SPIDR: variants seen among roughly 807,000 people sequenced by gnomAD.
SPIDR encodes DNA repair-scaffolding protein.
A neutral mutation model predicts 104.6 loss-of-function variants in SPIDR; 93 were observed. The observed-to-expected ratio is 0.89, with a 90% CI of 0.75 to 1.06. SPIDR has a LOEUF of 1.06. Among genes scored for constraint, SPIDR ranks in the 50% least tolerant of loss-of-function variants. SPIDR has a pLI of 0.00. For missense variants in SPIDR, 1,154 were observed against 1,111.2 expected (o/e 1.04, Z -0.55); for synonymous variants, 431 against 416.9 (o/e 1.03, Z -0.41).
chr8:47,529,766 A>G (rs575301494), intron 8 of SPIDR, among the ~76,000 whole-genome samples: 3 of 152,334 alleles, frequency 2.0e-5, no homozygotes, highest in Admixed American at 1.3e-4. Flanking sequence ...TAGTTCATGT[A>G]TAAATGAAAT....
chr8:47,598,836 T>C (rs761419525), intron 9 of SPIDR, 110 bp from the exon 10 acceptor site: 15 of 1,377,166 alleles, frequency 1.1e-5, no homozygotes, highest in Non-Finnish European at 1.3e-5. Flanking sequence ...GCAGATCCAT[T>C]GGGTGGCTGC....
chr8:47,700,274 G>T (rs151124322), intron 11 of SPIDR, 129 bp from the exon 12 acceptor site: 2 of 951,096 alleles, frequency 2.1e-6, no homozygotes, highest in South Asian at 1.4e-5. Context: ...CCTCTGAATC[G>T]CCACACATCT....
chr8:47,301,465 G>T (rs2042078913), intron 5 of SPIDR, among the ~76,000 whole-genome samples: 1 of 152,180 alleles, frequency 6.6e-6, no homozygotes, highest in East Asian at 1.9e-4. Context: ...CTACTGTTAT[G>T]TGTGAATTTG....
At chr8:47,450,394 C>T (rs2071484870) in intron 8 of SPIDR, among the ~76,000 whole-genome samples, 1 of 152,082 alleles carries the variant, frequency 6.6e-6, no homozygotes, top group African/African-American at 2.4e-5. Context: ...AGGAAGGTAG[C>T]ACCCTCATAA....
At chr8:47,399,093 G>A (rs1283681424) in intron 6 of SPIDR, among the ~76,000 whole-genome samples, 1 of 152,240 alleles carries the variant, frequency 6.6e-6, no homozygotes, top group Non-Finnish European at 1.5e-5. Flanking sequence ...AAGTGTGTTA[G>A]TTGAAAGTGA....
chr8:47,465,290 A>G (rs2074589968), intron 8 of SPIDR, among the ~76,000 whole-genome samples: 1 of 152,208 alleles, frequency 6.6e-6, no homozygotes, highest in South Asian at 2.1e-4. Context: ...GAGCAGTGAC[A>G]CTATAAAGCA....
chr8:47,571,199 A>G (rs1317946372), intron 8 of SPIDR, among the ~76,000 whole-genome samples: 1 of 152,212 alleles, frequency 6.6e-6, no homozygotes, highest in Non-Finnish European at 1.5e-5. Context: ...TTTCATTTAT[A>G]AGATGAGTAA....
At chr8:47,342,065 T>A (rs984073391) in intron 5 of SPIDR, among the ~76,000 whole-genome samples, 4 of 152,222 alleles carry the variant, frequency 2.6e-5, no homozygotes, top group African/African-American at 9.6e-5. Flanking sequence ...AATTGTGTAT[T>A]TAAGGAAACT....
At chr8:47,405,771 C>T (rs894037223) in intron 6 of SPIDR, among the ~76,000 whole-genome samples, 4 of 152,138 alleles carry the variant, frequency 2.6e-5, no homozygotes, top group African/African-American at 9.7e-5. Flanking sequence ...CCTTCCTGAA[C>T]TTTTGGTATG....
At chr8:47,727,763 C>T (rs765895836) in intron 17 of SPIDR, among the ~76,000 whole-genome samples, 4 of 152,202 alleles carry the variant, frequency 2.6e-5, no homozygotes, top group Non-Finnish European at 2.9e-5. Flanking sequence ...GTCAGTCCTC[C>T]GGCCTCCCAA....
chr8:47,445,895 G>A (rs1427019632), intron 8 of SPIDR, among the ~76,000 whole-genome samples: 1 of 152,206 alleles, frequency 6.6e-6, no homozygotes, highest in Non-Finnish European at 1.5e-5. Context: ...TGAGAGAGGT[G>A]AGGAAGCTTC....
intron 7 of SPIDR, among the ~76,000 whole-genome samples, chr8:47,419,712 G>T (rs1375397172): frequency 4.6e-5 from 7 of 152,054 alleles, no homozygotes; most frequent in Non-Finnish European, 8.8e-5. Context: ...TGTGATGTTA[G>T]GGTGTTAATT....
intron 8 of SPIDR, among the ~76,000 whole-genome samples, chr8:47,492,110 C>T (rs2078813542): frequency 6.6e-6 from 1 of 151,962 alleles, no homozygotes. Context: ...ATCAGATTCA[C>T]CCCTTCCCTG....
intron 7 of SPIDR, 62 bp downstream of exon 7, chr8:47,408,023 T>C (rs1554668579): frequency 1.6e-5 from 14 of 851,572 alleles, no homozygotes; most frequent in Middle Eastern, 4.7e-4. Context: ...AAAGAATTCT[T>C]ACATTAAAAT....
At chr8:47,553,257 G>A (rs568503257) in intron 8 of SPIDR, among the ~76,000 whole-genome samples, 28 of 152,166 alleles carry the variant, frequency 1.8e-4, no homozygotes, top group Admixed American at 1.6e-3. Flanking sequence ...TGCTCTTCTC[G>A]AGGAGTGTCT....
rs998030940 is a variant in SPIDR at position 47,348,403 on chromosome 8, G to T, written c.526-47973G>T. 3.9e-5 allele frequency among the ~76,000 whole-genome samples: 6 copies of T among 152,082 alleles called. No homozygotes were observed. In the South Asian group the frequency reaches 1.2e-3, roughly 32 times the overall value. ...ACATTTTTTCCTTCATTTCAACCTT[G>T]GTGAATCTGACAATTATGTGTCTTG... is the stretch of plus-strand genomic sequence containing the variant. On this transcript the variant is annotated intron_variant, in intron 5 of 19. Transcript: ENST00000297423.
chr8:47,317,015 C>T (rs956341284), intron 5 of SPIDR, among the ~76,000 whole-genome samples: 10 of 152,160 alleles, frequency 6.6e-5, no homozygotes, highest in Non-Finnish European at 1.5e-4. Flanking sequence ...GTCTAGAGCT[C>T]CCAGCTTGAG....
chr8:47,487,951 T>C, intron 8 of SPIDR, among the ~76,000 whole-genome samples: 1 of 151,844 alleles, frequency 6.6e-6, no homozygotes, highest in Non-Finnish European at 1.5e-5. Context: ...AAGAACTAGA[T>C]AAGCAAGAGC....
intron 8 of SPIDR, among the ~76,000 whole-genome samples, chr8:47,571,113 G>A (rs1192485174): frequency 1.3e-5 from 2 of 151,944 alleles, no homozygotes; most frequent in Non-Finnish European, 2.9e-5. Flanking sequence ...AGTTGAACTC[G>A]TAGAAACAGA....
Sources: gnomAD v4.1 joint callset for allele counts (sites outside exome capture counted in the v4.1 genomes callset) on GRCh38, gnomAD v4.1.1 for gene constraint, MANE v1.5 for transcripts, NCBI Gene and HGNC (gene_info 2026-07-23, HGNC 2026-07-21) for gene names.